ABCA12: variants seen among roughly 807,000 people sequenced by gnomAD.
ABCA12 encodes the protein ATP binding cassette subfamily A member 12.
In ABCA12, 156 loss-of-function variants were observed where a neutral mutation model predicts 293.5. That is an observed-to-expected ratio of 0.53 (90% CI 0.47 to 0.61). The LOEUF (loss-of-function observed/expected upper bound fraction) is 0.61. Ranked by LOEUF, ABCA12 falls within the 20% of genes least tolerant of loss-of-function variation. The pLI, the probability that ABCA12 is intolerant of heterozygous loss-of-function variation, is 0.00. For synonymous variants in ABCA12, 1,063 were observed against 1,108.0 expected, an observed-to-expected ratio of 0.96 and a Z score of 0.81; for missense variants, 2,797 against 3,090.2, an observed-to-expected ratio of 0.91 and a Z score of 2.25.
At chr2:214,979,282 C>T (rs1699595740) in intron 31 of ABCA12, among the ~76,000 whole-genome samples, 1 of 152,086 alleles carries the variant, frequency 6.6e-6, no homozygotes, top group South Asian at 2.1e-4. Flanking sequence ...CTAGCAACAA[C>T]AGTCTCTTTT....
At chr2:215,100,641 C>G (rs554731842) in intron 2 of ABCA12, among the ~76,000 whole-genome samples, 1 of 152,062 alleles carries the variant, frequency 6.6e-6, no homozygotes, top group Non-Finnish European at 1.5e-5. Context: ...TATATTATGG[C>G]CCATAATCTA....
chr2:214,949,190 A>C (rs910944174), intron 45 of ABCA12, 41 bp from the exon 46 acceptor site: 5 of 1,396,420 alleles, frequency 3.6e-6, no homozygotes, highest in Middle Eastern at 3.5e-4. Context: ...CCTTAATCCA[A>C]ACCAATGAGA....
intron 48 of ABCA12, among the ~76,000 whole-genome samples, chr2:214,946,497 A>C (rs1215691381): frequency 1.3e-5 from 2 of 152,144 alleles, no homozygotes; most frequent in Non-Finnish European, 2.9e-5. Flanking sequence ...TACACAATAG[A>C]ATTCCATTAT....
intron 8 of ABCA12, chr2:215,032,279 A>G (rs1290430789): frequency 1.5e-5 from 3 of 206,466 alleles, no homozygotes; most frequent in South Asian, 1.8e-4. Context: ...CTTATGGGTC[A>G]CTGGATTTTT....
Position 215,011,339 on chromosome 2 carries a change from A to C in ABCA12, c.2332+100T>G. On this transcript the variant is annotated intron_variant, in intron 17 of 52. Coordinates refer to ENST00000272895, the MANE Select transcript of ABCA12 (RefSeq NM_173076.3). The stretch of plus-strand genomic sequence containing the variant: ...TTATTTTCTATTTTTATTCTTGGGG[A>C]AAATTAATACTTCATTTATCATAAA... The C allele has an allele frequency of 4.5e-6, 4 of 898,800 alleles. No individual in the cohort carries two copies. In the South Asian group the frequency reaches 6.0e-5, roughly 14 times the overall value. The allele number at this position is 898,800 out of a possible 1,614,324, so 55.7% of individuals were successfully genotyped here.
intron 11 of ABCA12, chr2:215,025,317 A>G (rs1204197794): frequency 5.0e-6 from 1 of 201,496 alleles, no homozygotes; most frequent in East Asian, 1.3e-4. Context: ...TTCTTTTTAA[A>G]GACAGGGTCT....
At chr2:214,993,852 G>T (rs1831025) in intron 23 of ABCA12, among the ~76,000 whole-genome samples, 1 of 152,190 alleles carries the variant, frequency 6.6e-6, no homozygotes, top group African/African-American at 2.4e-5. Flanking sequence ...TCATTCATAG[G>T]CTTGTTAAAA....
chr2:215,040,252 C>G lies in ABCA12; in HGVS notation c.873-3187G>C, dbSNP rs142968120. Among the ~76,000 whole-genome samples the G allele has an allele frequency of 2.0e-5, 3 of 152,162 alleles. No individual in the cohort carries two copies. The East Asian group carries it at 5.8e-4, about 29-fold the overall frequency. ...GTTCTGACTAAATAAAAGTCAGATGCTATTCTATCAAAAAGGCAAACTATA... is the reference window on the plus strand; with the variant it reads ...GTTCTGACTAAATAAAAGTCAGATGGTATTCTATCAAAAAGGCAAACTATA... On this transcript the variant is annotated intron_variant, in intron 7 of 52. Coordinates refer to ENST00000272895, the MANE Select transcript of ABCA12 (RefSeq NM_173076.3).
Position 215,000,789 on chromosome 2 carries a change from A to C in ABCA12, c.3095T>G (p.Ile1032Ser). The C allele has an allele frequency of 6.2e-7, 1 of 1,614,120 alleles. No individual in the cohort carries two copies. The highest frequency in any genetic ancestry group is 8.5e-7 in the Non-Finnish European group (1 of 1,179,992). Residue 1032 changes from isoleucine to serine, a missense_variant, in exon 22 of 53, where the codon ATC becomes AGC. Ile to Ser is a moderately radical substitution (Grantham distance 142). Coordinates refer to ENST00000272895, the MANE Select transcript of ABCA12 (RefSeq NM_173076.3). The part of the protein sequence containing the change: ...IYLQDSIERA[I>S]IELQTGRNSQ... ...GTTCCTTCCAGTTTGCAATTCAATG[A>C]TTGCTCTTTCAATACTATCCTGTAA... is the stretch of plus-strand genomic sequence containing the variant.
chr2:215,132,499 CTTTTT>C (rs141826655), intron 1 of ABCA12, among the ~76,000 whole-genome samples: 3,055 of 147,370 alleles, frequency 0.021, 74 homozygotes, highest in African/African-American at 0.068. Flanking sequence ...ATGCCTTTGT[CTTTTT>C]TTTTTAACTG....
chr2:215,132,869 T>G (rs1703091261), intron 1 of ABCA12, among the ~76,000 whole-genome samples: 1 of 152,080 alleles, frequency 6.6e-6, no homozygotes, highest in African/African-American at 2.4e-5. Flanking sequence ...TGTGTTGTCC[T>G]TTTGTTTCTA....
chr2:215,106,626 G>C (rs1436959604), intron 2 of ABCA12, among the ~76,000 whole-genome samples: 1 of 151,974 alleles, frequency 6.6e-6, no homozygotes, highest in East Asian at 1.9e-4. Flanking sequence ...AATGATGTGA[G>C]TATTAACTAA....
chr2:215,003,948 G>A lies in ABCA12; in HGVS notation c.2683+261C>T, dbSNP rs1022095339. ...CTCCCGAAGTGCTGGGATTATAGGCGTGAGCCACCACGCCTGGCCTACATT... is the reference window on the plus strand; with the variant it reads ...CTCCCGAAGTGCTGGGATTATAGGCATGAGCCACCACGCCTGGCCTACATT... On this transcript the variant is annotated intron_variant, in intron 20 of 52. Transcript: ENST00000272895. 4.8e-4 allele frequency among the ~76,000 whole-genome samples: 73 copies of A among 152,172 alleles called. 1 individual carries two copies. Among genetic ancestry groups the A allele is most frequent in the Non-Finnish European group, 1.0e-4 (7 of 68,044 alleles).
chr2:215,101,299 C>T (rs554407503), intron 2 of ABCA12, among the ~76,000 whole-genome samples: 130 of 152,258 alleles, frequency 8.5e-4, no homozygotes, highest in Admixed American at 1.9e-3. Flanking sequence ...AAAAGTAGCT[C>T]ACAAACTTGA....
chr2:215,038,000 A>G (rs1021360065), intron 7 of ABCA12, among the ~76,000 whole-genome samples: 3 of 152,110 alleles, frequency 2.0e-5, no homozygotes, highest in Non-Finnish European at 4.4e-5. Context: ...TATTCCAGCA[A>G]TAGATAGTAT....
At chr2:215,000,616 T>G in intron 22 of ABCA12, 89 bp downstream of exon 22, 4 of 1,495,194 alleles carry the variant, frequency 2.7e-6, no homozygotes, top group Non-Finnish European at 3.7e-6. Context: ...ATGTTGTTCC[T>G]TTCATGTAAT....
chr2:215,053,633 C>CT (rs34066830), intron 4 of ABCA12, among the ~76,000 whole-genome samples: 52 of 149,074 alleles, frequency 3.5e-4, no homozygotes, highest in African/African-American at 1.1e-3. Context: ...TAACATAGGA[C>CT]TTTTTTTTTT....
In ABCA12 at chr2:215,019,574, C is replaced by A; in HGVS notation, c.1510G>T (p.Gly504Ter). ...TTTAAATTAATTTTGCTTGGATCTC[C>A]AGTCAGCAAATCTCTCACTTTTTTA... ...ISKKVRDLLT[G>*]DPSKINLNMD... The change falls in exon 12 of 53, where the codon GGA becomes TGA. Residue 504 changes from glycine (G) to a stop codon, truncating the protein, a stop_gained. Coordinates refer to ENST00000272895, the MANE Select transcript of ABCA12 (RefSeq NM_173076.3). LOFTEE classifies it high-confidence loss of function. 6.2e-7 allele frequency: 1 copy of A among 1,614,126 alleles called. No individual in the cohort carries two copies.
intron 2 of ABCA12, among the ~76,000 whole-genome samples, chr2:215,103,555 G>A (rs1182063045): frequency 6.6e-6 from 1 of 151,990 alleles, no homozygotes; most frequent in African/African-American, 2.4e-5. Context: ...ATAGGCATGA[G>A]CCATGGCACC....
Sources: allele counts gnomAD v4.1 joint callset (sites outside exome capture counted in the v4.1 genomes callset), GRCh38; gene constraint gnomAD v4.1.1; transcripts MANE v1.5; gene names NCBI Gene and HGNC (gene_info 2026-07-23, HGNC 2026-07-21).